The following STK10 variants were observed in gnomAD, a reference collection of about 807,000 sequenced individuals.
STK10 encodes the protein serine/threonine kinase 10.
In STK10, 78 loss-of-function variants were observed where a neutral mutation model predicts 113.8. The ratio of observed to expected loss-of-function variants is 0.69; its 90% confidence interval spans 0.57 to 0.83. The LOEUF (loss-of-function observed/expected upper bound fraction) is 0.83. Among genes scored for constraint, STK10 ranks in the 40% least tolerant of loss-of-function variants. The pLI is 0.00. For missense variants in STK10, 1,109 were observed against 1,280.1 expected (o/e 0.87, Z 2.04); for synonymous variants, 465 against 494.7 (o/e 0.94, Z 0.80).
chr5:172,073,992 G>A (rs1040321398), intron 12 of STK10, among the ~76,000 whole-genome samples: 11 of 150,272 alleles, frequency 7.3e-5, no homozygotes, highest in Admixed American at 5.3e-4. Context: ...ATAATAATTC[G>A]AATATAAATA....
At chr5:172,110,891 GC>G (rs1207546739) in intron 4 of STK10, among the ~76,000 whole-genome samples, 2 of 152,184 alleles carry the variant, frequency 1.3e-5, no homozygotes, top group Admixed American at 6.5e-5. Context: ...CCTTTTTCAG[GC>G]TGGGGCAAGG....
chr5:172,060,801 T>C (rs1185072487), intron 14 of STK10, among the ~76,000 whole-genome samples: 1 of 152,200 alleles, frequency 6.6e-6, no homozygotes, highest in Non-Finnish European at 1.5e-5. Context: ...GGTAGAAAAA[T>C]GGACTGGCAC....
chr5:172,066,250 A>G (rs1007414142), intron 12 of STK10, among the ~76,000 whole-genome samples: 17 of 152,212 alleles, frequency 1.1e-4, no homozygotes, highest in Non-Finnish European at 2.2e-4. Flanking sequence ...GGACTCTGAA[A>G]ACCAAACAAA....
At chr5:172,053,094 G>T in intron 17 of STK10, 52 bp from the exon 18 acceptor site, 1 of 1,469,454 alleles carries the variant, frequency 6.8e-7, no homozygotes, top group Non-Finnish European at 9.5e-7. Context: ...CGCAGGCCCT[G>T]AAGACTGAGA....
rs11347358 is a variant in STK10 at position 172,170,122 on chromosome 5, CTT to C, written c.157-13336_157-13335del. Among the ~76,000 whole-genome samples, 592 of 119,430 alleles carry C rather than the reference CTT, an allele frequency of 5.0e-3. 2 individuals carry two copies. The highest frequency in any genetic ancestry group is 0.02 in the African/African-American group (554 of 28,254). 78.4% of individuals were successfully genotyped at this position (119,430 alleles called of 152,430 possible). A position where few individuals can be genotyped will look rare whatever the true frequency, so the allele number is the denominator to read the frequency against. ...TCATGGCAGACACTCAGTATGTATC[CTT>C]TTTTTTTTTTTTTTCAGTATGTATT... is the stretch of plus-strand genomic sequence containing the variant. On this transcript the variant is annotated intron_variant, in intron 1 of 18. Coordinates refer to ENST00000176763, the MANE Select transcript of STK10 (RefSeq NM_005990.4).
At chr5:172,109,401 C>T (rs1472446296) in intron 4 of STK10, among the ~76,000 whole-genome samples, 2 of 151,766 alleles carry the variant, frequency 1.3e-5, no homozygotes, top group Non-Finnish European at 2.9e-5. Context: ...TGGCTCACTG[C>T]AGCCTCAACC....
Position 172,093,404 on chromosome 5 carries a change from G to A in STK10, c.1554+8C>T, listed in dbSNP as rs71607593. 378 of 1,577,542 alleles carry A rather than the reference G, an allele frequency of 2.4e-4. No homozygotes were observed. The highest frequency in any genetic ancestry group is 3.0e-4 in the Non-Finnish European group (351 of 1,155,626). On this transcript the variant is annotated splice_region_variant and intron_variant, in intron 9 of 18. Coordinates refer to ENST00000176763, the MANE Select transcript of STK10 (RefSeq NM_005990.4). The surrounding 1 kb of genome is among the most constrained non-coding windows in gnomAD (Gnocchi z 4.1). The stretch of plus-strand genomic sequence containing the variant: ...GCTGCAAGCCCGTGGTGGCAGAGGC[G>A]GTGTTACCTTGATGGACAGAGAGCC...
At chr5:172,089,088 C>T (rs1000339619) in intron 10 of STK10, among the ~76,000 whole-genome samples, 10 of 152,196 alleles carry the variant, frequency 6.6e-5, no homozygotes, top group Non-Finnish European at 1.5e-4. Context: ...CTCTCTCCCT[C>T]CACCAGTCCC....
At chr5:172,103,586 A>G (rs1023633244) in intron 7 of STK10, among the ~76,000 whole-genome samples, 4 of 151,936 alleles carry the variant, frequency 2.6e-5, no homozygotes, top group African/African-American at 9.7e-5. Flanking sequence ...ACTCGACCCC[A>G]CCCACTTCGG....
intron 12 of STK10, among the ~76,000 whole-genome samples, chr5:172,078,619 T>TAAAAAAAAAAAAAA (rs58823824): frequency 2.7e-5 from 2 of 72,874 alleles, no homozygotes; most frequent in African/African-American, 3.6e-5. Context: ...GCCTCATCAT[T>TAAAAAAAAAAAAAA]AAAAAAAAAA....
At chr5:172,107,678 T>TGCCAACAGGCTGACCGGGC in intron 5 of STK10, 102 bp downstream of exon 5, 1 of 1,075,814 alleles carries the variant, frequency 9.3e-7, no homozygotes, top group Non-Finnish European at 1.4e-6. Context: ...GCAGGGCGTG[T>TGCCAACAGGCTGACCGGGC]AGCCCTTGTC....
chr5:172,146,911 C>T (rs1002694320), intron 2 of STK10, among the ~76,000 whole-genome samples: 1 of 152,180 alleles, frequency 6.6e-6, no homozygotes. Context: ...CACTATCTAC[C>T]GGGAGACAGC....
chr5:172,146,639 C>A lies in STK10; in HGVS notation c.321+9985G>T, dbSNP rs147648451. On this transcript the variant is annotated intron_variant, in intron 2 of 18. Transcript: ENST00000176763. The stretch of plus-strand genomic sequence containing the variant: ...AGAGGGGCAGCCACACCCAGCCTGG[C>A]GCACAGAGCCTGCGAGGGAATAGGG... 2.7e-4 allele frequency among the ~76,000 whole-genome samples: 41 copies of A among 152,316 alleles called. 1 individual carries two copies. The East Asian group carries it at 6.6e-3, about 24-fold the overall frequency.
intron 1 of STK10, among the ~76,000 whole-genome samples, chr5:172,185,564 GCCCAAAAAA>G (rs1282188952): frequency 1.3e-5 from 2 of 152,138 alleles, no homozygotes; most frequent in Non-Finnish European, 2.9e-5. Flanking sequence ...ACCACGCCCG[GCCCAAAAAA>G]CCCATATGTT....
chr5:172,094,908 G>A (rs969985088), intron 8 of STK10, among the ~76,000 whole-genome samples: 1 of 152,168 alleles, frequency 6.6e-6, no homozygotes, highest in Non-Finnish European at 1.5e-5. Flanking sequence ...GCTATGCTAA[G>A]GTGAAACAGA....
intron 16 of STK10, 58 bp from the exon 17 acceptor site, chr5:172,054,752 G>C: frequency 1.9e-6 from 3 of 1,599,028 alleles, no homozygotes; most frequent in Admixed American, 3.3e-5. Flanking sequence ...GTTGGGTAGG[G>C]AGCCCCACTC....
In STK10 at chr5:172,057,347, A is replaced by C. The variant is rs1767827642; in HGVS notation, c.2337+2T>G. ...CGAGCCCCGTGCCACCGGCAGCCTC[A>C]CCTTCTCATGCTTGCGCAGCAGCTC... is the stretch of plus-strand genomic sequence containing the variant. On this transcript the variant is annotated splice_donor_variant, in intron 15 of 18. Transcript: ENST00000176763. LOFTEE classifies it high-confidence loss of function. 6.3e-7 allele frequency: 1 copy of C among 1,579,708 alleles called. No homozygotes were observed. The highest frequency in any genetic ancestry group is 8.6e-7 in the Non-Finnish European group (1 of 1,163,552).
intron 1 of STK10, among the ~76,000 whole-genome samples, chr5:172,183,939 G>A (rs957459647): frequency 6.6e-6 from 1 of 152,254 alleles, no homozygotes; most frequent in East Asian, 1.9e-4. Flanking sequence ...AAAAAAAGAG[G>A]TTTGATATCT....
At chr5:172,144,506 C>G (rs1770045099) in intron 2 of STK10, among the ~76,000 whole-genome samples, 1 of 152,188 alleles carries the variant, frequency 6.6e-6, no homozygotes, top group African/African-American at 2.4e-5. Flanking sequence ...CTTAGCATAT[C>G]TGCAGCCAGC....
Sources: allele counts gnomAD v4.1 joint callset (sites outside exome capture counted in the v4.1 genomes callset), GRCh38; gene constraint gnomAD v4.1.1; non-coding constraint Gnocchi (gnomAD v3.1); transcripts MANE v1.5; gene names NCBI Gene and HGNC (gene_info 2026-07-23, HGNC 2026-07-21).